TTC12: variants seen among roughly 807,000 people sequenced by gnomAD.
TTC12 encodes tetratricopeptide repeat domain 12.
A neutral mutation model predicts 90.1 loss-of-function variants in TTC12; 70 were observed. The ratio of observed to expected loss-of-function variants is 0.78; its 90% CI spans 0.64 to 0.95. The LOEUF is 0.95. Ranked by LOEUF, TTC12 falls within the 40% of genes least tolerant of loss-of-function variation. The probability of loss-of-function intolerance (pLI) is 0.00; values close to 1 mark genes in which losing one functional copy is unlikely to be tolerated. For missense variants in TTC12, 819 were observed against 846.1 expected (o/e 0.97, Z 0.40); for synonymous variants, 296 against 311.5 (o/e 0.95, Z 0.53).
Position 113,344,553 on chromosome 11 carries a change from A to G in TTC12, c.1154+113A>G, listed in dbSNP as rs982558061. ...TTGTGTGACTTGAAGGATCAATAAC[A>G]GAAAGAGCCTTTGACAAGAGTGCTC... On this transcript the variant is annotated intron_variant, in intron 13 of 21. Transcript: ENST00000529221. The G allele has an allele frequency of 1.7e-5, 19 of 1,135,400 alleles. No individual in the cohort carries two copies. In the African/African-American group the frequency reaches 2.7e-4, roughly 16 times the overall value. The allele number at this position is 1,135,400 out of a possible 1,614,324, so 70.3% of individuals were successfully genotyped here. A position where few individuals can be genotyped will look rare whatever the true frequency, so the allele number is the denominator to read the frequency against.
At position 113,339,736 on chromosome 11, in the gene TTC12, T is replaced by A. The variant is rs538376185; in HGVS notation, c.826+262T>A. Among the ~76,000 whole-genome samples the A allele has an allele frequency of 4.7e-4, 72 of 152,274 alleles. No individual in the cohort carries two copies. The South Asian group carries it at 0.014, about 30-fold the overall frequency. ...ACGTACACGTGGCACACACTCGATA[T>A]ATACTTACATACACCACACATGCAC... On this transcript the variant is annotated intron_variant, in intron 10 of 21. Coordinates refer to ENST00000529221, the MANE Select transcript of TTC12 (RefSeq NM_017868.4).
intron 12 of TTC12, 57 bp from the exon 13 acceptor site, chr11:113,344,215 A>G: frequency 6.5e-7 from 1 of 1,547,280 alleles, no homozygotes. Flanking sequence ...AGGGTGACAG[A>G]GCTAGTTTAA....
intron 16 of TTC12, among the ~76,000 whole-genome samples, chr11:113,354,030 T>C (rs2138047323): frequency 6.6e-6 from 1 of 152,360 alleles, no homozygotes; most frequent in South Asian, 2.1e-4. Flanking sequence ...GGAATTGCAT[T>C]GAATCTATAT....
In TTC12 at chr11:113,364,915, A is replaced by G; in HGVS notation, c.1897A>G (p.Met633Val). Residue 633 changes from methionine to valine, a missense_variant, in exon 21 of 22, where the codon ATG becomes GTG. Transcript: ENST00000529221. ...GNAALCLGNCMEVPNVASSLL... is the reference protein window; with the variant it reads ...GNAALCLGNCVEVPNVASSLL... ...CGCTGCCCTCTGCCTTGGTAACTGCATGGAGGTGCCCAACGTTGCGTCTTC... is the reference window on the plus strand; with the variant it reads ...CGCTGCCCTCTGCCTTGGTAACTGCGTGGAGGTGCCCAACGTTGCGTCTTC... The G allele has an allele frequency of 3.7e-6, 6 of 1,614,156 alleles. No individual in the cohort carries two copies. The highest frequency in any genetic ancestry group is 2.5e-6 in the Non-Finnish European group (3 of 1,180,020).
At chr11:113,345,500 C>G (rs1429423350) in intron 13 of TTC12, among the ~76,000 whole-genome samples, 2 of 152,166 alleles carry the variant, frequency 1.3e-5, no homozygotes, top group Non-Finnish European at 2.9e-5. Flanking sequence ...CTGTTCCTTC[C>G]AGATCTTTTT....
rs150349728 is a variant in TTC12, at chr11:113,348,687, A to C, written c.1155-1386A>C. 2.3e-3 allele frequency among the ~76,000 whole-genome samples: 347 copies of C among 152,348 alleles called. 3 individuals carry two copies. The highest frequency in any genetic ancestry group is 8.1e-3 in the African/African-American group (336 of 41,596). Reference sequence around the variant, plus strand: ...GAGAAATATAATGGCTAGGAATCACATGAGGACTTTATAAAAAAGCAGCCT... The same window carrying C: ...GAGAAATATAATGGCTAGGAATCACCTGAGGACTTTATAAAAAAGCAGCCT... On this transcript the variant is annotated intron_variant, in intron 13 of 21. Coordinates refer to ENST00000529221, the MANE Select transcript of TTC12 (RefSeq NM_017868.4).
At chr11:113,339,512 A>G (rs1948568933) in intron 10 of TTC12, 38 bp downstream of exon 10, 2 of 1,556,802 alleles carry the variant, frequency 1.3e-6, no homozygotes, top group Non-Finnish European at 1.8e-6. Context: ...GAGTGCTGTC[A>G]GTGTGAAGGG....
intron 17 of TTC12, 56 bp downstream of exon 17, chr11:113,359,517 T>G: frequency 8.3e-7 from 1 of 1,211,554 alleles, no homozygotes; most frequent in Non-Finnish European, 1.2e-6. Context: ...ACACATTCTG[T>G]GGCATAAAAC....
At chr11:113,343,324 G>C (rs373862711) in intron 12 of TTC12, among the ~76,000 whole-genome samples, 2 of 152,170 alleles carry the variant, frequency 1.3e-5, no homozygotes, top group East Asian at 1.9e-4. Flanking sequence ...TCTAGTATAA[G>C]AACAAAATAT....
intron 16 of TTC12, among the ~76,000 whole-genome samples, chr11:113,357,750 G>C (rs782210293): frequency 6.6e-6 from 1 of 152,320 alleles, no homozygotes; most frequent in Non-Finnish European, 1.5e-5. Flanking sequence ...TGAGGGACTT[G>C]TATTGGGCCT....
chr11:113,335,611 G>A (rs1202589011), intron 8 of TTC12, among the ~76,000 whole-genome samples: 3 of 152,052 alleles, frequency 2.0e-5, no homozygotes, highest in African/African-American at 7.2e-5. Flanking sequence ...TCAACGTTAG[G>A]CAACCATCAG....
rs569753704 is a variant in TTC12 at position 113,351,677 on chromosome 11, T to C, written c.1308+378T>C. On this transcript the variant is annotated intron_variant, in intron 15 of 21. Coordinates refer to ENST00000529221, the MANE Select transcript of TTC12 (RefSeq NM_017868.4). Reference sequence around the variant, plus strand: ...TTTGAGCTGATAAGGCAGTGAATAGTGTGGGGGGCAGGGCTTCTCCTTGGA... The same window carrying C: ...TTTGAGCTGATAAGGCAGTGAATAGCGTGGGGGGCAGGGCTTCTCCTTGGA... 5.6e-4 allele frequency among the ~76,000 whole-genome samples: 85 copies of C among 152,230 alleles called. 1 individual carries two copies. Among genetic ancestry groups the C allele is most frequent in the Non-Finnish European group, 8.8e-5 (6 of 68,002 alleles).
intron 6 of TTC12, among the ~76,000 whole-genome samples, chr11:113,327,435 G>A (rs1188438149): frequency 1.3e-5 from 2 of 152,152 alleles, no homozygotes; most frequent in African/African-American, 4.8e-5. Flanking sequence ...TGTAAATTGA[G>A]TGTTGCTTGC....
At chr11:113,345,112 A>G (rs1350224804) in intron 13 of TTC12, among the ~76,000 whole-genome samples, 2 of 152,110 alleles carry the variant, frequency 1.3e-5, no homozygotes, top group African/African-American at 2.4e-5. Flanking sequence ...TTATCTTTAC[A>G]TGATTAGTTT....
chr11:113,341,016 G>A (rs1433311833), intron 11 of TTC12, among the ~76,000 whole-genome samples: 1 of 152,170 alleles, frequency 6.6e-6, no homozygotes, highest in Non-Finnish European at 1.5e-5. Flanking sequence ...GATCACTTGA[G>A]GTCAGGAGTT....
rs1950213344 is a variant in TTC12, at chr11:113,366,328, G to A, written c.*28G>A. ...GAGACAGGGTTTGTGTGCATTTGGG[G>A]AACACACAGATGCACACCGTGTGTT... On this transcript the variant is annotated 3_prime_UTR_variant, in exon 22 of 22. Transcript: ENST00000529221. The A allele has an allele frequency of 5.6e-6, 9 of 1,612,028 alleles. No individual in the cohort carries two copies. The highest frequency in any genetic ancestry group is 2.2e-5 in the East Asian group (1 of 44,896).
At chr11:113,348,495 C>T (rs923302362) in intron 13 of TTC12, among the ~76,000 whole-genome samples, 1 of 152,182 alleles carries the variant, frequency 6.6e-6, no homozygotes, top group African/African-American at 2.4e-5. Flanking sequence ...ATTATCTGGA[C>T]AATCACAGTT....
chr11:113,329,824 C>T (rs984293864), intron 6 of TTC12, 96 bp from the exon 7 acceptor site: 5 of 1,033,782 alleles, frequency 4.8e-6, no homozygotes, highest in Admixed American at 3.4e-5. Context: ...GGATAGTTCT[C>T]GCTGACATTC....
intron 2 of TTC12, among the ~76,000 whole-genome samples, chr11:113,320,571 A>G (rs1029149718): frequency 1.3e-5 from 2 of 152,088 alleles, no homozygotes; most frequent in Admixed American, 6.5e-5. Flanking sequence ...GTAAAACCCC[A>G]CATTCATCCT....
Sources: gnomAD v4.1 joint callset for allele counts (sites outside exome capture counted in the v4.1 genomes callset) on GRCh38, gnomAD v4.1.1 for gene constraint, MANE v1.5 for transcripts, NCBI Gene and HGNC (gene_info 2026-07-23, HGNC 2026-07-21) for gene names.